Variants in STOX2 observed in about 807,000 individuals in gnomAD.
STOX2 encodes storkhead box 2.
Under a neutral mutation model 60.9 loss-of-function variants are expected in STOX2, and 28 were observed. The ratio of observed to expected loss-of-function variants is 0.46; its 90% CI spans 0.34 to 0.63. The LOEUF (loss-of-function observed/expected upper bound fraction) is 0.63, where lower values mean the gene tolerates loss of function less well. STOX2 is among the 30% of genes least tolerant of loss of function. STOX2 has a pLI of 0.01. For synonymous variants in STOX2, 472 were observed against 463.9 expected (o/e 1.02, Z -0.22); for missense variants, 1,024 against 1,187.7 (o/e 0.86, Z 2.03).
chr4:183,921,660 T>A (rs1407114408), intron 1 of STOX2, among the ~76,000 whole-genome samples: 3 of 152,202 alleles, frequency 2.0e-5, no homozygotes, highest in African/African-American at 7.2e-5. Context: ...TGTATAAGAT[T>A]TAATATAATA....
At chr4:183,964,853 G>A (rs1374074652) in intron 1 of STOX2, among the ~76,000 whole-genome samples, 1 of 152,144 alleles carries the variant, frequency 6.6e-6, no homozygotes, top group Non-Finnish European at 1.5e-5. Flanking sequence ...CAAAATGCTG[G>A]GATTACAGGC....
In STOX2 at chr4:183,867,171, C is replaced by T. The variant is rs141549303; in HGVS notation, c.364+69116C>T. ...ATCAAGGTGGTGACATGTTCGCCCT[C>T]TCTATTACCCATGTGGGCACACCCA... On this transcript the variant is annotated intron_variant, in intron 1 of 2. Coordinates refer to the STOX2 transcript ENST00000513034. Among the ~76,000 whole-genome samples the T allele has an allele frequency of 5.7e-4, 87 of 152,276 alleles. 2 individuals are homozygous for T. In the East Asian group the frequency reaches 0.011, roughly 19 times the overall value.
Position 183,906,666 on chromosome 4 carries a change from A to G in STOX2, c.-125A>G, listed in dbSNP as rs1350332080. On this transcript the variant is annotated 5_prime_UTR_variant, in exon 1 of 4. Transcript: ENST00000308497. ...GCCGCTGGCGGTGTAGACGCCGACG[A>G]GGAGGGGCTGGGAAAATGTGCGCAG... is the stretch of plus-strand genomic sequence containing the variant. The G allele has an allele frequency of 9.2e-7, 1 of 1,084,778 alleles. No individual in the cohort carries two copies. Among genetic ancestry groups the G allele is most frequent in the South Asian group, 1.7e-5 (1 of 58,358 alleles). The allele number at this position is 1,084,778 out of a possible 1,614,324, so 67.2% of individuals were successfully genotyped here.
chr4:183,843,163 A>G (rs1260967065), intron 1 of STOX2, among the ~76,000 whole-genome samples: 2 of 146,076 alleles, frequency 1.4e-5, no homozygotes, highest in Non-Finnish European at 3.0e-5. Context: ...AAAAAAAAAA[A>G]GAAAAAGAAA....
chr4:183,858,375 A>C (rs1661635905), intron 1 of STOX2, among the ~76,000 whole-genome samples: 1 of 152,174 alleles, frequency 6.6e-6, no homozygotes, highest in Non-Finnish European at 1.5e-5. Context: ...ATCCTTACCC[A>C]GTCAGCCACC....
chr4:183,857,116 G>T (rs1560848728), intron 1 of STOX2, among the ~76,000 whole-genome samples: 1 of 152,132 alleles, frequency 6.6e-6, no homozygotes, highest in African/African-American at 2.4e-5. Flanking sequence ...TTGTCCCACA[G>T]GACTGGTCAT....
intron 1 of STOX2, among the ~76,000 whole-genome samples, chr4:183,877,701 G>C (rs907388908): frequency 7.9e-5 from 12 of 152,142 alleles, no homozygotes; most frequent in Non-Finnish European, 1.5e-5. Flanking sequence ...GTGTTTTTGA[G>C]AAGGAATCTC....
intron 2 of STOX2, among the ~76,000 whole-genome samples, chr4:184,006,331 T>A (rs918163918): frequency 5.3e-5 from 8 of 152,196 alleles, no homozygotes; most frequent in African/African-American, 1.9e-4. Context: ...AAACATGGGC[T>A]TGTTATCTTG....
chr4:183,857,760 C>G (rs983603054), intron 1 of STOX2, among the ~76,000 whole-genome samples: 2 of 152,068 alleles, frequency 1.3e-5, no homozygotes, highest in African/African-American at 2.4e-5. Flanking sequence ...TGCAGCCCCC[C>G]TTCCTTGGTT....
At chr4:183,962,992 C>G (rs1323724099) in intron 1 of STOX2, among the ~76,000 whole-genome samples, 2 of 152,170 alleles carry the variant, frequency 1.3e-5, no homozygotes. Flanking sequence ...AAATCAGGGT[C>G]TCTGGAAGGT....
At chr4:183,812,349 T>G (rs1191160191) in intron 1 of STOX2, among the ~76,000 whole-genome samples, 1 of 152,212 alleles carries the variant, frequency 6.6e-6, no homozygotes, top group Admixed American at 6.5e-5. Flanking sequence ...TAAATTTACT[T>G]TAAATGTACT....
At chr4:183,849,689 G>A (rs1740069453) in intron 1 of STOX2, among the ~76,000 whole-genome samples, 1 of 152,164 alleles carries the variant, frequency 6.6e-6, no homozygotes, top group South Asian at 2.1e-4. Context: ...GATCTCTACA[G>A]CCAGAAATAA....
intron 1 of STOX2, among the ~76,000 whole-genome samples, chr4:183,893,037 G>C (rs767304861): frequency 9.2e-5 from 14 of 152,094 alleles, no homozygotes; most frequent in Non-Finnish European, 1.6e-4. Flanking sequence ...AGCCACATCA[G>C]ATATCCTTCG....
rs1189191126 is a variant in STOX2 at position 184,017,219 on chromosome 4, A to G, written c.2716A>G (p.Thr906Ala). ...CTTCCGAGCGAGCGCGGAGCCCCCGACAAATGAAGCTGAGAAGCTACAGAA... is the reference window on the plus strand; with the variant it reads ...CTTCCGAGCGAGCGCGGAGCCCCCGGCAAATGAAGCTGAGAAGCTACAGAA... ...FNFRASAEPP[T>A]NEAEKLQKPS... Residue 906 changes from threonine to alanine, a missense_variant, in exon 4 of 4, where the codon ACA becomes GCA. This residue lies in a region of STOX2 where 922 missense variants were observed against 1,058.3 expected (regional missense o/e 0.87). Transcript: ENST00000308497. 7 of 1,610,260 alleles carry G rather than the reference A, an allele frequency of 4.3e-6. No homozygotes were observed. Among genetic ancestry groups the G allele is most frequent in the South Asian group, 3.3e-5 (3 of 90,136 alleles).
intron 1 of STOX2, among the ~76,000 whole-genome samples, chr4:183,860,442 C>CAAAAAAAAAAAAACAAA (rs1740404968): frequency 8.2e-6 from 1 of 121,504 alleles, no homozygotes; most frequent in African/African-American, 3.0e-5. Context: ...AAACAAAAAA[C>CAAAAAAAAAAAAACAAA]AAAAAAAAAA....
At chr4:183,807,538 CAT>C (rs1277482823) in intron 1 of STOX2, among the ~76,000 whole-genome samples, 1 of 152,172 alleles carries the variant, frequency 6.6e-6, no homozygotes, top group Non-Finnish European at 1.5e-5. Context: ...CCCTCTTTGT[CAT>C]TTGGCTTTGG....
At chr4:183,964,244 TTAATATTC>T (rs1235563534) in intron 1 of STOX2, among the ~76,000 whole-genome samples, 1 of 152,254 alleles carries the variant, frequency 6.6e-6, no homozygotes, top group Non-Finnish European at 1.5e-5. Context: ...GGGGTGCTGA[TTAATATTC>T]AAATGTTATG....
intron 1 of STOX2, among the ~76,000 whole-genome samples, chr4:183,847,815 A>T (rs916379001): frequency 6.6e-6 from 1 of 152,236 alleles, no homozygotes; most frequent in African/African-American, 2.4e-5. Context: ...GTTTCTGTAC[A>T]GGAACAGGCC....
chr4:184,008,136 A>G (rs1261450144), intron 2 of STOX2, among the ~76,000 whole-genome samples: 1 of 152,208 alleles, frequency 6.6e-6, no homozygotes, highest in African/African-American at 2.4e-5. Context: ...GGGCAGTTTC[A>G]CATGACTCAA....
Sources: gnomAD v4.1 joint callset for allele counts (sites outside exome capture counted in the v4.1 genomes callset) on GRCh38, gnomAD v4.1.1 for gene constraint, gnomAD v4.1.1 regional missense constraint, MANE v1.5 for transcripts, NCBI Gene and HGNC (gene_info 2026-07-23, HGNC 2026-07-21) for gene names.